The following SNTG1 variants were observed in gnomAD, a reference collection of about 807,000 sequenced individuals.
The protein encoded by SNTG1 is syntrophin gamma 1.
Under a neutral mutation model 74.7 loss-of-function variants are expected in SNTG1, and 39 were observed. That is an observed-to-expected ratio of 0.52 (90% CI 0.40 to 0.68). SNTG1 has a LOEUF of 0.68. Ranked by LOEUF, SNTG1 falls within the 30% of genes least tolerant of loss-of-function variation. SNTG1 has a pLI of 0.00. For missense variants in SNTG1, 685 were observed against 609.5 expected, an observed-to-expected ratio of 1.12 and a Z score of -1.30; for synonymous variants, 254 against 217.1, an observed-to-expected ratio of 1.17 and a Z score of -1.49.
chr8:50,075,919 G>A (rs1389263301), intron 1 of SNTG1, among the ~76,000 whole-genome samples: 1 of 152,018 alleles, frequency 6.6e-6, no homozygotes, highest in Non-Finnish European at 1.5e-5. Context: ...AACAAACTCC[G>A]GACATGCCAC....
intron 18 of SNTG1, among the ~76,000 whole-genome samples, chr8:50,778,400 T>A (rs1485538570): frequency 6.6e-6 from 1 of 152,076 alleles, no homozygotes; most frequent in Non-Finnish European, 1.5e-5. Flanking sequence ...CCATTCTAAC[T>A]GGTGTGAGAT....
intron 13 of SNTG1, among the ~76,000 whole-genome samples, chr8:50,607,570 T>C (rs1337989861): frequency 6.6e-6 from 1 of 151,660 alleles, no homozygotes; most frequent in South Asian, 2.1e-4. Context: ...AATCTGTGAC[T>C]TTTTATTCTT....
chr8:50,689,071 T>A (rs2095365772), intron 15 of SNTG1, among the ~76,000 whole-genome samples: 1 of 67,560 alleles, frequency 1.5e-5, no homozygotes, highest in African/African-American at 6.3e-5. Context: ...CTGTTATTGG[T>A]GTATAAGAAT....
At chr8:50,118,363 T>C (rs1307834154) in intron 1 of SNTG1, among the ~76,000 whole-genome samples, 1 of 152,210 alleles carries the variant, frequency 6.6e-6, no homozygotes, top group Non-Finnish European at 1.5e-5. Context: ...ATAAATATGT[T>C]GGAAATGATA....
At chr8:50,291,706 T>C (rs2089120881) in intron 2 of SNTG1, among the ~76,000 whole-genome samples, 1 of 152,124 alleles carries the variant, frequency 6.6e-6, no homozygotes, top group Non-Finnish European at 1.5e-5. Context: ...GAGTGAAGAA[T>C]AGGCTACAAG....
At chr8:50,138,407 C>T (rs2081546548) in intron 1 of SNTG1, among the ~76,000 whole-genome samples, 1 of 151,718 alleles carries the variant, frequency 6.6e-6, no homozygotes, top group Non-Finnish European at 1.5e-5. Flanking sequence ...CAACCGAGGT[C>T]AGGAGTTCAA....
intron 12 of SNTG1, among the ~76,000 whole-genome samples, chr8:50,578,729 C>T (rs761053925): frequency 1.6e-4 from 24 of 152,084 alleles, no homozygotes; most frequent in African/African-American, 4.6e-4. Flanking sequence ...TCCTTGCTGC[C>T]GCCACGTAAA....
chr8:50,110,640 C>T (rs2080547020), intron 1 of SNTG1, among the ~76,000 whole-genome samples: 1 of 152,134 alleles, frequency 6.6e-6, no homozygotes, highest in Admixed American at 6.6e-5. Context: ...GCTTTTTGTC[C>T]TTTAAATCCA....
At chr8:49,944,011 T>C (rs1808930701) in intron 1 of SNTG1, among the ~76,000 whole-genome samples, 1 of 152,198 alleles carries the variant, frequency 6.6e-6, no homozygotes, top group African/African-American at 2.4e-5. Flanking sequence ...AATTAAGGAA[T>C]TTTATCTCAC....
At chr8:50,251,629 G>C (rs888908182) in intron 2 of SNTG1, among the ~76,000 whole-genome samples, 1 of 151,406 alleles carries the variant, frequency 6.6e-6, no homozygotes, top group Non-Finnish European at 1.5e-5. Context: ...AAAGACAAAG[G>C]ATATTATTAT....
intron 12 of SNTG1, among the ~76,000 whole-genome samples, chr8:50,581,991 C>T (rs552062928): frequency 6.6e-6 from 1 of 152,244 alleles, no homozygotes; most frequent in African/African-American, 2.4e-5. Flanking sequence ...TCCTTGGAAA[C>T]AGTTCTTTTC....
At chr8:50,635,026 C>T (rs1330776768) in intron 13 of SNTG1, among the ~76,000 whole-genome samples, 1 of 152,100 alleles carries the variant, frequency 6.6e-6, no homozygotes, top group African/African-American at 2.4e-5. Context: ...GTTCATGCTC[C>T]TCCCAAATGT....
intron 2 of SNTG1, among the ~76,000 whole-genome samples, chr8:50,200,971 C>T (rs553337804): frequency 3.3e-5 from 5 of 152,100 alleles, no homozygotes; most frequent in South Asian, 2.1e-4. Flanking sequence ...AGAGAAGGGG[C>T]TTATGTTATA....
At chr8:50,700,364 A>T (rs745687589) in intron 15 of SNTG1, among the ~76,000 whole-genome samples, 2 of 152,202 alleles carry the variant, frequency 1.3e-5, no homozygotes, top group Admixed American at 1.3e-4. Flanking sequence ...TCTAGTGTCA[A>T]TGATTTTAGA....
At chr8:50,569,053 G>T (rs1364433389) in intron 12 of SNTG1, 9 of 152,156 alleles carry the variant, frequency 5.9e-5, no homozygotes. Flanking sequence ...CCTTTTGGTA[G>T]TTCTTCTCAT....
intron 18 of SNTG1, among the ~76,000 whole-genome samples, chr8:50,779,025 T>C (rs1466077905): frequency 6.6e-6 from 1 of 152,100 alleles, no homozygotes; most frequent in Non-Finnish European, 1.5e-5. Context: ...ATATGCGGCG[T>C]TATTTCTGAG....
At chr8:50,301,369 G>T (rs2089637456) in intron 2 of SNTG1, among the ~76,000 whole-genome samples, 1 of 151,964 alleles carries the variant, frequency 6.6e-6, no homozygotes, top group Non-Finnish European at 1.5e-5. Context: ...AGCAAAAAAT[G>T]TTATTTCAAT....
chr8:50,029,816 G>T (rs559191486), intron 1 of SNTG1, among the ~76,000 whole-genome samples: 1 of 152,036 alleles, frequency 6.6e-6, no homozygotes, highest in African/African-American at 2.4e-5. Flanking sequence ...ACACAGGAGC[G>T]TAGATATCTC....
intron 10 of SNTG1, among the ~76,000 whole-genome samples, chr8:50,531,107 C>T (rs1170912737): frequency 6.6e-6 from 1 of 152,162 alleles, no homozygotes. Context: ...TGGCATTTTA[C>T]TTCAAAGCAA....
Sources: gnomAD v4.1 joint callset for allele counts (sites outside exome capture counted in the v4.1 genomes callset) on GRCh38, gnomAD v4.1.1 for gene constraint, MANE v1.5 for transcripts, NCBI Gene and HGNC (gene_info 2026-07-23, HGNC 2026-07-21) for gene names.